WWOX: variants seen among roughly 807,000 people sequenced by gnomAD.
WWOX encodes the protein WW domain-containing oxidoreductase.
WWOX carries 69 observed loss-of-function variants against 46.2 expected under a neutral mutation model. That is an observed-to-expected ratio of 1.49 (90% CI 1.23 to 1.82). The LOEUF (loss-of-function observed/expected upper bound fraction) is 1.82, where lower values mean the gene tolerates loss of function less well. Ranked by LOEUF, WWOX falls within the 40% of genes most tolerant of loss-of-function variation. The probability of loss-of-function intolerance (pLI) is 0.00; values close to 1 mark genes in which losing one functional copy is unlikely to be tolerated. For missense variants in WWOX, 919 were observed against 542.6 expected, an observed-to-expected ratio of 1.69 and a Z score of -6.89; for synonymous variants, 359 against 202.6, an observed-to-expected ratio of 1.77 and a Z score of -6.56.
chr16:78,974,858 C>T (rs2046540532), intron 8 of WWOX, among the ~76,000 whole-genome samples: 1 of 152,164 alleles, frequency 6.6e-6, no homozygotes. Context: ...CCCCAGCTTC[C>T]TGTCCACTGG....
rs759853108 is a variant in WWOX at position 78,386,986 on chromosome 16, T to G, written c.605+38T>G. The G allele has an allele frequency of 3.2e-6, 5 of 1,582,516 alleles. 1 individual carries two copies. Among genetic ancestry groups the G allele is most frequent in the South Asian group, 2.2e-5 (2 of 90,608 alleles). ...GTGGAGGGTTATAGATCATAATTTC[T>G]TGCTATTGTAATATCTTTATCAGAT... On this transcript the variant is annotated intron_variant, in intron 6 of 8. Transcript: ENST00000566780.
At chr16:78,882,795 C>G (rs559669938) in intron 8 of WWOX, among the ~76,000 whole-genome samples, 5 of 149,952 alleles carry the variant, frequency 3.3e-5, no homozygotes. Flanking sequence ...GGTTATACAT[C>G]TTAAATATAA....
intron 8 of WWOX, among the ~76,000 whole-genome samples, chr16:78,628,111 A>G (rs994923502): frequency 5.3e-5 from 8 of 152,138 alleles, no homozygotes; most frequent in Non-Finnish European, 1.2e-4. Context: ...CCTACAGTGG[A>G]ATGAACCTTC....
chr16:78,282,808 G>A (rs2079702493), intron 5 of WWOX, among the ~76,000 whole-genome samples: 2 of 150,758 alleles, frequency 1.3e-5, no homozygotes, highest in African/African-American at 2.5e-5. Flanking sequence ...AACCTCGGAG[G>A]TGGAGGTTGC....
intron 5 of WWOX, among the ~76,000 whole-genome samples, chr16:78,234,526 T>G (rs1304510592): frequency 3.9e-5 from 6 of 152,180 alleles, no homozygotes; most frequent in Admixed American, 6.5e-5. Flanking sequence ...TGATATGCCC[T>G]TTTAGTTTTC....
At chr16:78,996,376 ACCCCCG>A in intron 8 of WWOX, 61 of 469,402 alleles carry the variant, frequency 1.3e-4, no homozygotes, top group Non-Finnish European at 1.4e-4. Context: ...TTCTGCACCC[ACCCCCG>A]CCCCCCAGCT....
chr16:78,777,803 T>G (rs1348137906), intron 8 of WWOX, among the ~76,000 whole-genome samples: 1 of 152,022 alleles, frequency 6.6e-6, no homozygotes, highest in Non-Finnish European at 1.5e-5. Flanking sequence ...TCCCAGCACT[T>G]TGGGAGGCCG....
chr16:78,377,322 G>C (rs895110710), intron 5 of WWOX, among the ~76,000 whole-genome samples: 2 of 152,204 alleles, frequency 1.3e-5, no homozygotes, highest in Non-Finnish European at 2.9e-5. Flanking sequence ...GGTGTCTGCT[G>C]AAGGATTCTT....
intron 8 of WWOX, among the ~76,000 whole-genome samples, chr16:78,800,197 T>A (rs1316539319): frequency 6.6e-6 from 1 of 152,006 alleles, no homozygotes; most frequent in East Asian, 1.9e-4. Flanking sequence ...AGAAAAAATA[T>A]GGCGGTAGAT....
chr16:78,793,381 C>G (rs1410150268), intron 8 of WWOX, among the ~76,000 whole-genome samples: 1 of 152,142 alleles, frequency 6.6e-6, no homozygotes, highest in African/African-American at 2.4e-5. Flanking sequence ...TTTAAATGCT[C>G]AAACTTGGTA....
At chr16:78,827,731 C>G (rs556686948) in intron 8 of WWOX, among the ~76,000 whole-genome samples, 5 of 151,806 alleles carry the variant, frequency 3.3e-5, no homozygotes, top group Admixed American at 1.3e-4. Context: ...ATCCCAGCTA[C>G]TTGGGAGGCT....
intron 8 of WWOX, among the ~76,000 whole-genome samples, chr16:78,925,806 C>G (rs1488483363): frequency 6.6e-6 from 1 of 152,168 alleles, no homozygotes; most frequent in Non-Finnish European, 1.5e-5. Context: ...AAGCAGTGCT[C>G]AGAGGTAAAG....
At position 78,465,735 on chromosome 16, in the gene WWOX, C is replaced by G. The variant is rs556203349; in HGVS notation, c.1056+32983C>G. On this transcript the variant is annotated intron_variant, in intron 8 of 8. Transcript: ENST00000566780. ...TAATTGCCCAGGTAAATAATACCCA[C>G]CATCAGAGGGCACCAGTAGTGTAAT... Among the ~76,000 whole-genome samples, 6 of 152,286 alleles carry G rather than the reference C, an allele frequency of 3.9e-5. No homozygotes were observed. In the South Asian group the frequency reaches 1.2e-3, roughly 32 times the overall value.
intron 8 of WWOX, among the ~76,000 whole-genome samples, chr16:79,159,944 A>T (rs1235180874): frequency 6.6e-6 from 1 of 152,110 alleles, no homozygotes. Context: ...AACCCTCCCC[A>T]GGTGAAAGCA....
At chr16:78,388,425 G>A (rs951818756) in intron 6 of WWOX, among the ~76,000 whole-genome samples, 1 of 151,246 alleles carries the variant, frequency 6.6e-6, no homozygotes, top group African/African-American at 2.4e-5. Context: ...GGCGGGGAGG[G>A]TCATGAGGTC....
At chr16:79,157,670 C>G (rs2050408233) in intron 8 of WWOX, among the ~76,000 whole-genome samples, 1 of 152,164 alleles carries the variant, frequency 6.6e-6, no homozygotes, top group African/African-American at 2.4e-5. Flanking sequence ...ACAATGACCA[C>G]TGAAAAGACA....
At chr16:78,626,529 G>A (rs938640852) in intron 8 of WWOX, among the ~76,000 whole-genome samples, 13 of 152,084 alleles carry the variant, frequency 8.5e-5, no homozygotes, top group African/African-American at 2.7e-4. Context: ...TCATCACATC[G>A]TATCAAGCAT....
chr16:78,647,015 C>T (rs2046859959), intron 8 of WWOX, among the ~76,000 whole-genome samples: 1 of 152,096 alleles, frequency 6.6e-6, no homozygotes, highest in African/African-American at 2.4e-5. Flanking sequence ...CAGATGTCAT[C>T]AAGAGTCTTT....
At chr16:78,717,207 G>T (rs1021485619) in intron 8 of WWOX, among the ~76,000 whole-genome samples, 14 of 152,230 alleles carry the variant, frequency 9.2e-5, no homozygotes, top group Admixed American at 4.6e-4. Context: ...GAGTAAGTGT[G>T]TTTTTTAAAT....
Sources: gnomAD v4.1 joint callset for allele counts (sites outside exome capture counted in the v4.1 genomes callset) on GRCh38, gnomAD v4.1.1 for gene constraint, MANE v1.5 for transcripts, NCBI Gene and HGNC (gene_info 2026-07-23, HGNC 2026-07-21) for gene names.